The following LACRT variants were observed in gnomAD, a reference collection of about 807,000 sequenced individuals.
The protein encoded by LACRT is lacritin, also known as extracellular glycoprotein lacritin.
Under a neutral mutation model 14.5 loss-of-function variants are expected in LACRT, and 14 were observed. The observed-to-expected ratio is 0.96, with a 90% CI of 0.64 to 1.51. LACRT has a LOEUF of 1.51. Among genes scored for constraint, LACRT ranks in the 40% most tolerant of loss-of-function variants. LACRT has a pLI of 0.00. For missense variants in LACRT, 156 were observed against 161.8 expected (o/e 0.96, Z 0.19); for synonymous variants, 70 against 63.5 (o/e 1.10, Z -0.48).
intron 2 of LACRT, 151 bp downstream of exon 2, chr12:54,633,029 C>A: frequency 1.2e-6 from 1 of 816,432 alleles, no homozygotes; most frequent in Non-Finnish European, 2.1e-6. Flanking sequence ...CCCATGCCAC[C>A]TTCTTTATTA....
intron 3 of LACRT, 66 bp from the exon 4 acceptor site, chr12:54,631,905 G>GCCCCACCTGCACCCGCC: frequency 9.2e-7 from 1 of 1,090,830 alleles, no homozygotes; most frequent in South Asian, 1.3e-5. Flanking sequence ...ACTCTGCATT[G>GCCCCACCTGCACCCGCC]CCCCACCTGC....
rs567920686 is a variant in LACRT at position 54,631,111 on chromosome 12, C to A, written c.356-158G>T. The stretch of plus-strand genomic sequence containing the variant: ...GGGATTGAGATTAGATTCACCAGAG[C>A]CTGAAGGACCTACCCTCTTCCCCAC... On this transcript the variant is annotated intron_variant, in intron 4 of 4. Coordinates refer to ENST00000257867, the MANE Select transcript of LACRT (RefSeq NM_033277.2). Among the ~76,000 whole-genome samples, 982 of 152,286 alleles carry A rather than the reference C, an allele frequency of 6.4e-3. 9 individuals carry two copies. The highest frequency in any genetic ancestry group is 0.023 in the African/African-American group (939 of 41,546).
chr12:54,633,175 C>T lies in LACRT; in HGVS notation c.112+5G>A, dbSNP rs1264563347. On this transcript the variant is annotated splice_donor_5th_base_variant and intron_variant, in intron 2 of 4. Coordinates refer to ENST00000257867, the MANE Select transcript of LACRT (RefSeq NM_033277.2). The stretch of plus-strand genomic sequence containing the variant: ...GGCTAGGGCAGCAGGGAGAGGAGGA[C>T]TCACAGGTCCCAGCTTCCTGGGCAG... 1.9e-6 allele frequency: 3 copies of T among 1,613,810 alleles called. No homozygotes were observed. The highest frequency in any genetic ancestry group is 1.3e-5 in the African/African-American group (1 of 74,908).
chr12:54,632,808 T>A (rs760929857), intron 2 of LACRT, among the ~76,000 whole-genome samples: 1 of 151,994 alleles, frequency 6.6e-6, no homozygotes, highest in African/African-American at 2.4e-5. Context: ...GAAAATGAGG[T>A]TAGAGGCCAG....
Position 54,630,876 on chromosome 12 carries a change from C to T in LACRT, c.*16G>A. 1 of 1,586,948 alleles carries T rather than the reference C, an allele frequency of 6.3e-7. No homozygotes were observed. Among genetic ancestry groups the T allele is most frequent in the Non-Finnish European group, 8.7e-7 (1 of 1,155,376 alleles). On this transcript the variant is annotated 3_prime_UTR_variant, in exon 5 of 5. Coordinates refer to ENST00000257867, the MANE Select transcript of LACRT (RefSeq NM_033277.2). ...TTTAAGGCTTTAAGTCCAATGATCC[C>T]ATTCTTTTCAGCTTCTCATGCCCAT...
At position 54,632,325 on chromosome 12, in the gene LACRT, T is replaced by C; in HGVS notation, c.169A>G (p.Thr57Ala). Residue 57 changes from threonine (T) to alanine (A), a missense_variant, in exon 3 of 5, where the codon ACC becomes GCC. By Grantham distance (58) the Thr-to-Ala change is moderately conservative. Coordinates refer to ENST00000257867, the MANE Select transcript of LACRT (RefSeq NM_033277.2). The part of the protein sequence containing the change: ...PAEPASPPET[T>A]TTAQETSAAA... Reference sequence around the variant, plus strand: ...GCCGAAGTCTCCTGGGCTGTTGTGGTTGTCTCTGGGGGTGAAGCTGGTTCT... The same window carrying C: ...GCCGAAGTCTCCTGGGCTGTTGTGGCTGTCTCTGGGGGTGAAGCTGGTTCT... 1 of 1,614,118 alleles carries C rather than the reference T, an allele frequency of 6.2e-7. No homozygotes were observed. The highest frequency in any genetic ancestry group is 8.5e-7 in the Non-Finnish European group (1 of 1,179,992).
At chr12:54,631,692 G>C in intron 4 of LACRT, 46 bp downstream of exon 4, 1 of 1,387,786 alleles carries the variant, frequency 7.2e-7, no homozygotes, top group Non-Finnish European at 1.0e-6. Context: ...ATGGTGGGTG[G>C]TGAGTATTCT....
At chr12:54,632,179 A>T in intron 3 of LACRT, 62 bp downstream of exon 3, 1 of 1,587,066 alleles carries the variant, frequency 6.3e-7, no homozygotes, top group East Asian at 2.2e-5. Context: ...TGGAGGTGTG[A>T]TGTGGGCCTG....
chr12:54,632,321 GTGGTTGTCTCTGGGGGTGAAGC>G lies in LACRT; in HGVS notation c.151_172del (p.Ala51GlnfsTer24), dbSNP rs1565724782. The stretch of plus-strand genomic sequence containing the variant: ...TGCCGCCGAAGTCTCCTGGGCTGTT[GTGGTTGTCTCTGGGGGTGAAGC>G]TGGTTCTGCTGGACCTGAGATCTCT... On this transcript the variant is annotated frameshift_variant, in exon 3 of 5. Transcript: ENST00000257867. LOFTEE classifies it high-confidence loss of function. 5 of 1,614,162 alleles carry G rather than the reference GTGGTTGTCTCTGGGGGTGAAGC, an allele frequency of 3.1e-6. No homozygotes were observed. Among genetic ancestry groups the G allele is most frequent in the Non-Finnish European group, 4.2e-6 (5 of 1,180,026 alleles).
chr12:54,634,095 G>A (rs1181962720), intron 1 of LACRT, among the ~76,000 whole-genome samples: 12 of 152,166 alleles, frequency 7.9e-5, no homozygotes, highest in Admixed American at 7.9e-4. Flanking sequence ...GCTCACGCCT[G>A]TAATTCCAAC....
intron 1 of LACRT, among the ~76,000 whole-genome samples, chr12:54,633,766 G>A (rs1000594022): frequency 3.3e-5 from 5 of 152,188 alleles, no homozygotes; most frequent in Admixed American, 6.5e-5. Flanking sequence ...GTCCTTTTAC[G>A]AAATTATTTA....
rs1958158604 is a variant in LACRT at position 54,632,367 on chromosome 12, CT to C, written c.126del (p.Glu43ArgfsTer39). The C allele has an allele frequency of 6.8e-6, 11 of 1,613,892 alleles. No individual in the cohort carries two copies. The highest frequency in any genetic ancestry group is 1.3e-5 in the African/African-American group (1 of 74,910). ...AQEAGTSKPNEEISGPAEPAS... is the reference protein window; with the variant it reads ...AQEAGTSKPNXEISGPAEPAS... The stretch of plus-strand genomic sequence containing the variant: ...GCTGGTTCTGCTGGACCTGAGATCT[CT>C]TCATTAGGCTTAGCTGTGAATGCAC... On this transcript the variant is annotated frameshift_variant, in exon 3 of 5. Coordinates refer to ENST00000257867, the MANE Select transcript of LACRT (RefSeq NM_033277.2). LOFTEE classifies it high-confidence loss of function.
chr12:54,631,852 C>A lies in LACRT; in HGVS notation c.254-13G>T, dbSNP rs1387658989. Reference sequence around the variant, plus strand: ...TCCACTATGGATTCTAATTTTGGAGCAGAACAATCACATCAGCAGAAAAAT... The same window carrying A: ...TCCACTATGGATTCTAATTTTGGAGAAGAACAATCACATCAGCAGAAAAAT... On this transcript the variant is annotated splice_polypyrimidine_tract_variant and intron_variant, in intron 3 of 4. Transcript: ENST00000257867. 1 of 1,582,060 alleles carries A rather than the reference C, an allele frequency of 6.3e-7. No homozygotes were observed. Among genetic ancestry groups the A allele is most frequent in the Non-Finnish European group, 8.7e-7 (1 of 1,150,856 alleles).
intron 1 of LACRT, 143 bp from the exon 2 acceptor site, chr12:54,633,376 C>T: frequency 1.4e-6 from 1 of 710,480 alleles, no homozygotes; most frequent in South Asian, 1.7e-5. Flanking sequence ...TTGGACATGC[C>T]CTTCCACCAT....
intron 3 of LACRT, 183 bp downstream of exon 3, chr12:54,632,058 A>G: frequency 1.4e-6 from 1 of 704,288 alleles, no homozygotes; most frequent in South Asian, 1.9e-5. Flanking sequence ...GCAGGCTGCA[A>G]CATCTACTAT....
At chr12:54,631,478 C>T (rs985032066) in intron 4 of LACRT, among the ~76,000 whole-genome samples, 5 of 152,126 alleles carry the variant, frequency 3.3e-5, no homozygotes, top group African/African-American at 1.2e-4. Flanking sequence ...TGGGCTCAAG[C>T]GATCCACCTG....
intron 3 of LACRT, 24 bp from the exon 4 acceptor site, chr12:54,631,863 C>T (rs1393419627): frequency 3.2e-6 from 5 of 1,551,624 alleles, no homozygotes; most frequent in South Asian, 1.1e-5. Context: ...AGAACAATCA[C>T]ATCAGCAGAA....
At position 54,632,231 on chromosome 12, in the gene LACRT, A is replaced by C; in HGVS notation, c.253+10T>G. The C allele has an allele frequency of 6.2e-7, 1 of 1,613,976 alleles. No individual in the cohort carries two copies. The highest frequency in any genetic ancestry group is 8.5e-7 in the Non-Finnish European group (1 of 1,179,900). On this transcript the variant is annotated intron_variant, in intron 3 of 4. Coordinates refer to ENST00000257867, the MANE Select transcript of LACRT (RefSeq NM_033277.2). ...TAGGTTGTTGATCTGGCATAGAGAC[A>C]GAGACTTACTCAGGGGGTTTAGTTC... is the stretch of plus-strand genomic sequence containing the variant.
At chr12:54,631,708 C>T in intron 4 of LACRT, 30 bp downstream of exon 4, 1 of 1,525,412 alleles carries the variant, frequency 6.6e-7, no homozygotes, top group Non-Finnish European at 9.1e-7. Context: ...ATTCTCATTC[C>T]CACAAAGCCT....
Sources: gnomAD v4.1 joint callset for allele counts (sites outside exome capture counted in the v4.1 genomes callset) on GRCh38, gnomAD v4.1.1 for gene constraint, MANE v1.5 for transcripts, NCBI Gene and HGNC (gene_info 2026-07-23, HGNC 2026-07-21) for gene names.